Variants in DCLK2 observed in about 807,000 individuals in gnomAD.
DCLK2 encodes the protein doublecortin like kinase 2.
DCLK2 carries 31 observed loss-of-function variants against 78.4 expected under a neutral mutation model. The ratio of observed to expected loss-of-function variants is 0.40; its 90% confidence interval spans 0.30 to 0.53. The LOEUF (loss-of-function observed/expected upper bound fraction) is 0.53. DCLK2 is among the 20% of genes least tolerant of loss of function. The pLI is 0.61. For missense variants in DCLK2, 872 were observed against 973.7 expected (o/e 0.90, Z 1.39); for synonymous variants, 407 against 374.9 (o/e 1.09, Z -0.99).
intron 2 of DCLK2, among the ~76,000 whole-genome samples, chr4:150,175,248 T>C (rs1250267921): frequency 8.7e-6 from 1 of 115,282 alleles, no homozygotes; most frequent in East Asian, 2.5e-4. Context: ...TATAAAGCTT[T>C]GTTCAGCAAA....
At chr4:150,215,370 T>G (rs932544825) in intron 5 of DCLK2, among the ~76,000 whole-genome samples, 4 of 152,152 alleles carry the variant, frequency 2.6e-5, no homozygotes, top group African/African-American at 9.7e-5. Flanking sequence ...TACCCCCTTC[T>G]TCAGACACCA....
At chr4:150,199,512 T>G (rs574742529) in intron 4 of DCLK2, among the ~76,000 whole-genome samples, 15 of 152,300 alleles carry the variant, frequency 9.8e-5, no homozygotes, top group African/African-American at 3.6e-4. Context: ...TATTAGTACT[T>G]CATAATAGCA....
At chr4:150,227,416 C>T (rs769306098) in intron 8 of DCLK2, among the ~76,000 whole-genome samples, 7 of 152,124 alleles carry the variant, frequency 4.6e-5, no homozygotes, top group Non-Finnish European at 7.3e-5. Context: ...TCAGGGGAAG[C>T]ACGTGGGAGA....
At chr4:150,084,089 C>T (rs910497067) in intron 1 of DCLK2, among the ~76,000 whole-genome samples, 1 of 152,190 alleles carries the variant, frequency 6.6e-6, no homozygotes, top group South Asian at 2.1e-4. Flanking sequence ...ACATTGGAGC[C>T]GAGGCCTGAG....
intron 1 of DCLK2, among the ~76,000 whole-genome samples, chr4:150,087,629 G>C (rs986740450): frequency 2.0e-5 from 3 of 152,208 alleles, no homozygotes; most frequent in African/African-American, 7.2e-5. Flanking sequence ...GTAGAAATAT[G>C]ATTGGACAAA....
intron 2 of DCLK2, among the ~76,000 whole-genome samples, chr4:150,166,830 A>C (rs1275034600): frequency 6.6e-6 from 1 of 152,118 alleles, no homozygotes; most frequent in East Asian, 1.9e-4. Context: ...TTAGGAGACA[A>C]CGCTCAAAAA....
intron 1 of DCLK2, among the ~76,000 whole-genome samples, chr4:150,088,887 A>G (rs1021910281): frequency 6.6e-6 from 1 of 151,256 alleles, no homozygotes; most frequent in African/African-American, 2.5e-5. Flanking sequence ...CACACTCACA[A>G]GGAGTAATAA....
chr4:150,125,210 G>A (rs4260525), intron 2 of DCLK2, among the ~76,000 whole-genome samples: 35,664 of 152,038 alleles, frequency 0.23, 4,563 homozygotes, highest in African/African-American at 0.34. Context: ...GATTTGTCAT[G>A]TTGGATATAA....
chr4:150,193,564 T>C (rs960531829), intron 3 of DCLK2, among the ~76,000 whole-genome samples: 3 of 152,242 alleles, frequency 2.0e-5, no homozygotes, highest in Non-Finnish European at 4.4e-5. Context: ...TCCTTCAGAA[T>C]GGTGGTTGGC....
At chr4:150,223,925 T>C (rs926137240) in intron 7 of DCLK2, among the ~76,000 whole-genome samples, 6 of 152,076 alleles carry the variant, frequency 3.9e-5, no homozygotes, top group African/African-American at 1.2e-4. Context: ...TTTTGAATTA[T>C]GGGCTAATGT....
At chr4:150,212,423 T>G (rs1740387175) in intron 5 of DCLK2, among the ~76,000 whole-genome samples, 1 of 152,216 alleles carries the variant, frequency 6.6e-6, no homozygotes, top group Non-Finnish European at 1.5e-5. Context: ...ACCTTAGACA[T>G]TTTTGCTTTT....
At chr4:150,249,770 G>A in intron 15 of DCLK2, 86 bp downstream of exon 15, 1 of 1,080,226 alleles carries the variant, frequency 9.3e-7, no homozygotes, top group Non-Finnish European at 1.4e-6. Flanking sequence ...CCCTCACATG[G>A]AAGTTGGTGC....
intron 15 of DCLK2, among the ~76,000 whole-genome samples, chr4:150,252,213 G>A (rs1416969695): frequency 6.6e-6 from 1 of 152,192 alleles, no homozygotes; most frequent in African/African-American, 2.4e-5. Context: ...TTGATGGATG[G>A]GCTCAGTGGT....
intron 2 of DCLK2, among the ~76,000 whole-genome samples, chr4:150,124,956 A>T (rs1732815693): frequency 6.6e-6 from 1 of 152,210 alleles, no homozygotes; most frequent in Non-Finnish European, 1.5e-5. Flanking sequence ...ATACAAATTA[A>T]AATTTGATTT....
chr4:150,122,145 C>A (rs991144345), intron 2 of DCLK2, among the ~76,000 whole-genome samples: 2 of 152,142 alleles, frequency 1.3e-5, no homozygotes, highest in Admixed American at 6.5e-5. Flanking sequence ...GAACTTCTTT[C>A]AAAATTTGTC....
In DCLK2 at chr4:150,228,178, A is replaced by C. The variant is rs892046637; in HGVS notation, c.1299+3620A>C. Among the ~76,000 whole-genome samples, 4 of 152,344 alleles carry C rather than the reference A, an allele frequency of 2.6e-5. No homozygotes were observed. In the South Asian group the frequency reaches 8.3e-4, roughly 32 times the overall value. ...CCTCTCCCCGCCACAATCCAGGGTT[A>C]TCTCTCCACTGCAGAACCCTTCATC... On this transcript the variant is annotated intron_variant, in intron 8 of 15. Transcript: ENST00000296550.
chr4:150,225,831 A>G (rs977762878), intron 8 of DCLK2, among the ~76,000 whole-genome samples: 1 of 152,206 alleles, frequency 6.6e-6, no homozygotes, highest in African/African-American at 2.4e-5. Flanking sequence ...TATAAAGTGT[A>G]TTCCTGGCCC....
Position 150,257,049 on chromosome 4 carries a change from T to C in DCLK2, c.*802T>C, listed in dbSNP as rs1205289823. 6.6e-6 allele frequency: 1 copy of C among 152,270 alleles called. No homozygotes were observed. The highest frequency in any genetic ancestry group is 6.5e-5 in the Admixed American group (1 of 15,290). The allele number at this position is 152,270 out of a possible 1,614,324, so 9.4% of individuals were successfully genotyped here. The stretch of plus-strand genomic sequence containing the variant: ...CCCTCTGGGCTTTTTAATGAGAGGC[T>C]TGGCGCATGCGGCACCCAGCGGCTG... On this transcript the variant is annotated 3_prime_UTR_variant, in exon 16 of 16. Coordinates refer to ENST00000296550, the MANE Select transcript of DCLK2 (RefSeq NM_001040260.4).
chr4:150,205,291 T>C (rs1739769250), intron 5 of DCLK2, among the ~76,000 whole-genome samples: 1 of 152,196 alleles, frequency 6.6e-6, no homozygotes, highest in Non-Finnish European at 1.5e-5. Context: ...AAGGTTTGCT[T>C]GTCTTGCCCT....
Sources: allele counts gnomAD v4.1 joint callset (sites outside exome capture counted in the v4.1 genomes callset), GRCh38; gene constraint gnomAD v4.1.1; transcripts MANE v1.5; gene names NCBI Gene and HGNC (gene_info 2026-07-23, HGNC 2026-07-21).